The following NEGR1 variants were observed in gnomAD, a reference collection of about 807,000 sequenced individuals.
NEGR1 encodes the protein neuronal growth regulator 1.
A neutral mutation model predicts 40.9 loss-of-function variants in NEGR1; 10 were observed. The ratio of observed to expected loss-of-function variants is 0.24; its 90% CI spans 0.15 to 0.42. NEGR1 has a LOEUF of 0.42. NEGR1 is among the 10% of genes least tolerant of loss of function. NEGR1 has a pLI of 1.00. For missense variants in NEGR1, 352 were observed against 438.9 expected, an observed-to-expected ratio of 0.80 and a Z score of 1.77; for synonymous variants, 185 against 166.8, an observed-to-expected ratio of 1.11 and a Z score of -0.84.
chr1:71,864,497 G>A lies in NEGR1; in HGVS notation c.409+70582C>T, dbSNP rs140520703. Among the ~76,000 whole-genome samples the A allele has an allele frequency of 2.6e-5, 4 of 152,260 alleles. No homozygotes were observed. The East Asian group carries it at 7.7e-4, about 29-fold the overall frequency. The stretch of plus-strand genomic sequence containing the variant: ...ATAAATTTCTCTGTAAAAGAATTGT[G>A]ACTAAAGTAATTTTTCCTGATACAT... On this transcript the variant is annotated intron_variant, in intron 2 of 6. Coordinates refer to ENST00000357731, the MANE Select transcript of NEGR1 (RefSeq NM_173808.3).
intron 2 of NEGR1, among the ~76,000 whole-genome samples, chr1:71,929,194 G>A (rs1417581564): frequency 6.6e-6 from 1 of 151,728 alleles, no homozygotes; most frequent in Admixed American, 6.6e-5. Flanking sequence ...GACAATTTTG[G>A]GACACCTACT....
At chr1:72,171,286 G>T (rs546241208) in intron 1 of NEGR1, among the ~76,000 whole-genome samples, 1 of 152,128 alleles carries the variant, frequency 6.6e-6, no homozygotes, top group African/African-American at 2.4e-5. Context: ...TCAATATAAA[G>T]ATATTAGAAT....
At chr1:71,846,203 T>C (rs1285528580) in intron 2 of NEGR1, among the ~76,000 whole-genome samples, 2 of 152,042 alleles carry the variant, frequency 1.3e-5, no homozygotes, top group East Asian at 1.9e-4. Flanking sequence ...GGAAAGCAAG[T>C]TTCCCCCCCA....
intron 1 of NEGR1, among the ~76,000 whole-genome samples, chr1:71,946,570 C>T (rs149765734): frequency 7.9e-5 from 12 of 152,140 alleles, no homozygotes; most frequent in East Asian, 3.9e-4. Context: ...TTAAAATAAA[C>T]GCTACGTTGC....
intron 6 of NEGR1, among the ~76,000 whole-genome samples, chr1:71,410,228 C>T (rs1646310605): frequency 6.6e-6 from 1 of 152,050 alleles, no homozygotes; most frequent in African/African-American, 2.4e-5. Context: ...CGTTAGCTTG[C>T]AATTGTTACA....
chr1:71,987,416 T>C (rs1221205941), intron 1 of NEGR1, among the ~76,000 whole-genome samples: 1 of 152,108 alleles, frequency 6.6e-6, no homozygotes, highest in African/African-American at 2.4e-5. Flanking sequence ...GTGGTACTGA[T>C]CTGTGGAAGG....
intron 1 of NEGR1, among the ~76,000 whole-genome samples, chr1:72,196,117 A>G (rs1218940625): frequency 6.6e-6 from 1 of 152,066 alleles, no homozygotes; most frequent in African/African-American, 2.4e-5. Context: ...ATTCCTAATA[A>G]TGCTAAATAA....
intron 1 of NEGR1, among the ~76,000 whole-genome samples, chr1:72,008,055 A>AT (rs952205687): frequency 4.0e-5 from 6 of 151,570 alleles, no homozygotes; most frequent in South Asian, 4.2e-4. Context: ...GTGTTTGGAG[A>AT]TTTTTTTTTC....
In NEGR1 at chr1:71,732,519, T is replaced by C. The variant is rs547555409; in HGVS notation, c.536-34380A>G. The stretch of plus-strand genomic sequence containing the variant: ...GTGTGTGTGTGTGTGTGTGTGTGTG[T>C]GCGCGCGCGCGCCAGCTTGTGTTCT... On this transcript the variant is annotated intron_variant, in intron 3 of 6. Coordinates refer to ENST00000357731, the MANE Select transcript of NEGR1 (RefSeq NM_173808.3). 6.1e-3 allele frequency among the ~76,000 whole-genome samples: 832 copies of C among 136,986 alleles called. 8 individuals carry two copies. The highest frequency in any genetic ancestry group is 0.018 in the African/African-American group (705 of 38,788). 89.9% of individuals were successfully genotyped at this position (136,986 alleles called of 152,430 possible).
chr1:71,938,020 A>T (rs1260267894), intron 1 of NEGR1, among the ~76,000 whole-genome samples: 1 of 152,126 alleles, frequency 6.6e-6, no homozygotes, highest in African/African-American at 2.4e-5. Context: ...AAAAAAATGA[A>T]AAAAGGGATC....
chr1:72,259,341 G>T (rs1449997628), intron 1 of NEGR1, among the ~76,000 whole-genome samples: 1 of 152,054 alleles, frequency 6.6e-6, no homozygotes, highest in African/African-American at 2.4e-5. Context: ...TCGAGTATGA[G>T]TCTAGGTGCC....
chr1:71,672,796 T>TA (rs1460014276), intron 4 of NEGR1, among the ~76,000 whole-genome samples: 1 of 152,074 alleles, frequency 6.6e-6, no homozygotes, highest in East Asian at 1.9e-4. Flanking sequence ...CAATAAATTA[T>TA]AAAATAATAA....
At chr1:72,271,263 T>C (rs951115745) in intron 1 of NEGR1, among the ~76,000 whole-genome samples, 4 of 151,842 alleles carry the variant, frequency 2.6e-5, no homozygotes, top group Non-Finnish European at 5.9e-5. Context: ...ATGCAGAAGA[T>C]TTTTCAAAGA....
At position 71,400,307 on chromosome 1, in the gene NEGR1, T is replaced by C. The variant is rs756912414; in HGVS notation, c.*7139A>G. ...GGAGCAGAACACTCAGTTCTGGCTA[T>C]AGCTTCTTGCAATGTTTTTATCATT... On this transcript the variant is annotated 3_prime_UTR_variant, in exon 7 of 7. Transcript: ENST00000357731. 6 of 152,184 alleles carry C rather than the reference T, an allele frequency of 3.9e-5. No individual in the cohort carries two copies. Among genetic ancestry groups the C allele is most frequent in the Non-Finnish European group, 7.4e-5 (5 of 68,022 alleles). The allele number at this position is 152,184 out of a possible 1,614,324, so 9.4% of individuals were successfully genotyped here. A position where few individuals can be genotyped will look rare whatever the true frequency, so the allele number is the denominator to read the frequency against.
chr1:72,086,803 A>AT lies in NEGR1; in HGVS notation c.177-151493dup, dbSNP rs561393435. ...TATTATGATACATTTTAAAAATTAT[A>AT]TTTTTTACTTTTTAAAGTATTTATT... is the stretch of plus-strand genomic sequence containing the variant. On this transcript the variant is annotated intron_variant, in intron 1 of 6. Transcript: ENST00000357731. Among the ~76,000 whole-genome samples, 14 of 152,248 alleles carry AT rather than the reference A, an allele frequency of 9.2e-5. No individual in the cohort carries two copies. In the South Asian group the frequency reaches 2.5e-3, roughly 27 times the overall value.
At chr1:72,139,168 A>C (rs1172245670) in intron 1 of NEGR1, among the ~76,000 whole-genome samples, 1 of 151,546 alleles carries the variant, frequency 6.6e-6, no homozygotes, top group Admixed American at 6.6e-5. Context: ...GGGAAATTTT[A>C]TAGCATTAAT....
rs941306012 is a variant in NEGR1, at chr1:72,235,222, C to A, written c.176+47097G>T. Among the ~76,000 whole-genome samples, 3 of 152,104 alleles carry A rather than the reference C, an allele frequency of 2.0e-5. No individual in the cohort carries two copies. The South Asian group carries it at 6.2e-4, about 32-fold the overall frequency. ...AGAAGATTGTGAGTTAACGTGCAAG[C>A]GTCAGGAAAGCACAGACGTCCTTGG... On this transcript the variant is annotated intron_variant, in intron 1 of 6. Transcript: ENST00000357731.
At chr1:72,131,021 A>C (rs966641936) in intron 1 of NEGR1, among the ~76,000 whole-genome samples, 8 of 152,196 alleles carry the variant, frequency 5.3e-5, no homozygotes, top group Non-Finnish European at 1.2e-4. Flanking sequence ...GTTATAGCAC[A>C]AAATTTCTAT....
intron 6 of NEGR1, among the ~76,000 whole-genome samples, chr1:71,470,248 T>TAGTAGGAATAAATCCTAC (rs1646773322): frequency 6.6e-6 from 1 of 152,044 alleles, no homozygotes; most frequent in African/African-American, 2.4e-5. Context: ...ACTATCGAAG[T>TAGTAGGAATAAATCCTAC]TATTTATTTT....
Sources: gnomAD v4.1 joint callset for allele counts (sites outside exome capture counted in the v4.1 genomes callset) on GRCh38, gnomAD v4.1.1 for gene constraint, MANE v1.5 for transcripts, NCBI Gene and HGNC (gene_info 2026-07-23, HGNC 2026-07-21) for gene names.